LRRTM4: variants seen among roughly 807,000 people sequenced by gnomAD.
The protein encoded by LRRTM4 is leucine rich repeat transmembrane neuronal 4.
LRRTM4 carries 25 observed loss-of-function variants against 47.6 expected under a neutral mutation model. The ratio of observed to expected loss-of-function variants is 0.53; its 90% CI spans 0.38 to 0.73. The LOEUF (loss-of-function observed/expected upper bound fraction) is 0.73. Among genes scored for constraint, LRRTM4 ranks in the 30% least tolerant of loss-of-function variants. The pLI is 0.00. For synonymous variants in LRRTM4, 311 were observed against 269.5 expected (o/e 1.15, Z -1.51); for missense variants, 638 against 713.4 (o/e 0.89, Z 1.20).
At chr2:77,272,141 C>T (rs1181925013) in intron 3 of LRRTM4, among the ~76,000 whole-genome samples, 1 of 152,140 alleles carries the variant, frequency 6.6e-6, no homozygotes, top group Non-Finnish European at 1.5e-5. Context: ...CCCTCTGTAA[C>T]ACTCTTATTT....
At chr2:76,760,111 A>T (rs1453510253) in intron 3 of LRRTM4, among the ~76,000 whole-genome samples, 2 of 152,166 alleles carry the variant, frequency 1.3e-5, no homozygotes, top group African/African-American at 4.8e-5. Flanking sequence ...TGTATTTGGA[A>T]GAAGTTTACC....
chr2:77,268,690 T>C (rs1220023714), intron 3 of LRRTM4, among the ~76,000 whole-genome samples: 2 of 152,130 alleles, frequency 1.3e-5, no homozygotes, highest in Admixed American at 1.3e-4. Context: ...TTATTTTAAC[T>C]CTATGAAAAC....
intron 3 of LRRTM4, among the ~76,000 whole-genome samples, chr2:76,990,492 G>A (rs567553068): frequency 1.7e-4 from 26 of 151,648 alleles, no homozygotes; most frequent in Non-Finnish European, 2.8e-4. Flanking sequence ...AAGAGCAGGG[G>A]TCACTACCTT....
chr2:76,960,579 G>T (rs770882440), intron 3 of LRRTM4, among the ~76,000 whole-genome samples: 4 of 151,282 alleles, frequency 2.6e-5, no homozygotes, highest in Non-Finnish European at 4.4e-5. Flanking sequence ...ACTCAATTTA[G>T]CAAACACATG....
rs1670867221 is a variant in LRRTM4 at position 76,815,283 on chromosome 2, C to G, written c.1552-66367G>C. On this transcript the variant is annotated intron_variant, in intron 3 of 3. Transcript: ENST00000409884. ...TTGCTCGCCAGTGTCAGAAAACTAA[C>G]CCAAAGAGGTTACTTTGGTTAACGG... Among the ~76,000 whole-genome samples, 4 of 152,012 alleles carry G rather than the reference C, an allele frequency of 2.6e-5. No individual in the cohort carries two copies. In the South Asian group the frequency reaches 8.3e-4, roughly 32 times the overall value.
intron 3 of LRRTM4, among the ~76,000 whole-genome samples, chr2:76,968,942 A>G (rs560473680): frequency 2.0e-5 from 3 of 151,954 alleles, no homozygotes; most frequent in African/African-American, 7.2e-5. Flanking sequence ...GGATTTGTCA[A>G]TTACCTTGCA....
At chr2:77,364,651 T>C (rs1242549785) in intron 3 of LRRTM4, among the ~76,000 whole-genome samples, 1 of 151,980 alleles carries the variant, frequency 6.6e-6, no homozygotes, top group Non-Finnish European at 1.5e-5. Context: ...TCACCCTCTG[T>C]GAGTCAATAG....
chr2:76,797,865 G>C (rs572835987), intron 3 of LRRTM4, among the ~76,000 whole-genome samples: 2 of 151,724 alleles, frequency 1.3e-5, no homozygotes, highest in East Asian at 1.9e-4. Flanking sequence ...AAAAGAGACA[G>C]TGAAGGCCAT....
At chr2:76,853,263 T>C (rs757768867) in intron 3 of LRRTM4, among the ~76,000 whole-genome samples, 28 of 152,112 alleles carry the variant, frequency 1.8e-4, no homozygotes, top group Non-Finnish European at 3.8e-4. Flanking sequence ...AGGTAAAAAT[T>C]GATTCAAGAG....
At chr2:77,221,000 T>G (rs1347443067) in intron 3 of LRRTM4, among the ~76,000 whole-genome samples, 1 of 152,156 alleles carries the variant, frequency 6.6e-6, no homozygotes, top group African/African-American at 2.4e-5. Flanking sequence ...GACTAACAGC[T>G]GATCTCTTGG....
At chr2:77,228,401 C>G (rs1318424597) in intron 3 of LRRTM4, among the ~76,000 whole-genome samples, 1 of 152,116 alleles carries the variant, frequency 6.6e-6, no homozygotes, top group African/African-American at 2.4e-5. Flanking sequence ...GGTCACTCAG[C>G]AAAGGAATGG....
At chr2:76,841,367 T>C (rs1671676834) in intron 3 of LRRTM4, among the ~76,000 whole-genome samples, 2 of 151,852 alleles carry the variant, frequency 1.3e-5, no homozygotes, top group South Asian at 4.2e-4. Context: ...ATGGCACATG[T>C]ATACATATGT....
At chr2:76,823,221 A>G (rs750667234) in intron 3 of LRRTM4, among the ~76,000 whole-genome samples, 36 of 151,422 alleles carry the variant, frequency 2.4e-4, no homozygotes, top group Non-Finnish European at 4.6e-4. Flanking sequence ...AATATTTTGA[A>G]TAAAAATTGA....
intron 3 of LRRTM4, among the ~76,000 whole-genome samples, chr2:76,823,263 GC>G: frequency 6.6e-6 from 1 of 151,216 alleles, no homozygotes; most frequent in African/African-American, 2.4e-5. Flanking sequence ...AATAAAATTA[GC>G]AATAAAGATT....
chr2:77,005,468 T>G (rs942699596), intron 3 of LRRTM4, among the ~76,000 whole-genome samples: 3 of 152,058 alleles, frequency 2.0e-5, no homozygotes, highest in Non-Finnish European at 4.4e-5. Flanking sequence ...TGTGAGGACA[T>G]GAAATTTAGG....
chr2:77,069,811 G>A (rs2103823688), intron 3 of LRRTM4, among the ~76,000 whole-genome samples: 1 of 152,248 alleles, frequency 6.6e-6, no homozygotes, highest in Non-Finnish European at 1.5e-5. Context: ...AAGATCTTAT[G>A]GACATCACAT....
chr2:77,045,033 C>A (rs921291342), intron 3 of LRRTM4, among the ~76,000 whole-genome samples: 1 of 151,696 alleles, frequency 6.6e-6, no homozygotes, highest in African/African-American at 2.4e-5. Context: ...ATGTGAGGTA[C>A]CTGCCTTTTA....
intron 3 of LRRTM4, among the ~76,000 whole-genome samples, chr2:76,861,386 T>TC (rs1175422741): frequency 3.3e-5 from 5 of 152,274 alleles, no homozygotes; most frequent in African/African-American, 1.2e-4. Flanking sequence ...TGATTTTTTT[T>TC]CCCATATCTA....
intron 3 of LRRTM4, chr2:77,517,597 T>C (rs1679257694): frequency 1.0e-6 from 1 of 981,866 alleles, no homozygotes; most frequent in Non-Finnish European, 1.2e-6. Context: ...TGAAATCGGA[T>C]CTATATCCCA....
Sources: gnomAD v4.1 joint callset for allele counts (sites outside exome capture counted in the v4.1 genomes callset) on GRCh38, gnomAD v4.1.1 for gene constraint, MANE v1.5 for transcripts, NCBI Gene and HGNC (gene_info 2026-07-23, HGNC 2026-07-21) for gene names.